Variants in BLTP1 observed in about 807,000 individuals in gnomAD.
BLTP1 encodes the protein bridge-like lipid transfer protein family member 1, also known as fragile site-associated protein.
the BLTP1 span, chr4:122,245,978 C>T: frequency 3.8e-6 from 1 of 264,526 alleles, no homozygotes. Flanking sequence ...CATGATGCTA[C>T]CAGTCTTTTT....
At chr4:122,208,501 T>C in the BLTP1 span, 1 of 947,398 alleles carries the variant, frequency 1.1e-6, no homozygotes, top group Non-Finnish European at 1.3e-6. Context: ...TGAGACTTAC[T>C]AGAATCAAAT....
At chr4:122,355,831 A>C in the BLTP1 span, 6 of 1,608,944 alleles carry the variant, frequency 3.7e-6, no homozygotes, top group Non-Finnish European at 5.1e-6. Context: ...TGCTAACAAC[A>C]CTGAGAATAG....
chr4:122,269,146 A>G, the BLTP1 span: 1 of 758,546 alleles, frequency 1.3e-6, no homozygotes, highest in Non-Finnish European at 1.6e-6. Context: ...GACAGCTTTC[A>G]TACAAATATA....
the BLTP1 span, among the ~76,000 whole-genome samples, chr4:122,217,720 C>G: frequency 6.6e-6 from 1 of 152,044 alleles, no homozygotes; most frequent in Admixed American, 6.6e-5. Flanking sequence ...CGGGTGATTA[C>G]TGTCTTCAAA....
the BLTP1 span, chr4:122,186,010 A>T: frequency 1.3e-5 from 19 of 1,497,236 alleles, no homozygotes; most frequent in Admixed American, 4.6e-5. Flanking sequence ...GTTGACTAAA[A>T]ATTTTTTTGT....
At chr4:122,296,976 A>C in the BLTP1 span, among the ~76,000 whole-genome samples, 2 of 152,202 alleles carry the variant, frequency 1.3e-5, no homozygotes, top group African/African-American at 2.4e-5. Flanking sequence ...CCTAGAAGAA[A>C]ATCTAGACAA....
the BLTP1 span, chr4:122,234,834 T>G: frequency 6.2e-7 from 1 of 1,613,634 alleles, no homozygotes; most frequent in Non-Finnish European, 8.5e-7. Flanking sequence ...CAAATGTGGT[T>G]GTCTCGGTGG....
At chr4:122,298,696 A>G in the BLTP1 span, 1 of 488,044 alleles carries the variant, frequency 2.0e-6, no homozygotes, top group Non-Finnish European at 2.7e-6. Flanking sequence ...GATTTAAATG[A>G]ATTTTTGATG....
the BLTP1 span, chr4:122,220,415 C>A: frequency 6.2e-7 from 1 of 1,612,080 alleles, no homozygotes; most frequent in Non-Finnish European, 8.5e-7. Flanking sequence ...TTTAGGGAGA[C>A]CATGCTGCAA....
chr4:122,267,442 T>G, the BLTP1 span: 1 of 153,176 alleles, frequency 6.5e-6, no homozygotes, highest in Non-Finnish European at 1.5e-5. Context: ...AATAACTAGT[T>G]GCATTTATGA....
At chr4:122,207,031 G>C in the BLTP1 span, 2 of 1,297,202 alleles carry the variant, frequency 1.5e-6, no homozygotes, top group Admixed American at 4.9e-5. Flanking sequence ...ATTTTTGACT[G>C]GTGTTAGAAA....
the BLTP1 span, among the ~76,000 whole-genome samples, chr4:122,288,873 CA>C: frequency 6.6e-6 from 1 of 151,882 alleles, no homozygotes; most frequent in African/African-American, 2.4e-5. Flanking sequence ...TATTAAAAAA[CA>C]AAAAACAAAA....
At chr4:122,336,208 T>C in the BLTP1 span, 3 of 1,602,600 alleles carry the variant, frequency 1.9e-6, no homozygotes, top group South Asian at 1.1e-5. Flanking sequence ...GAAAAGGAAG[T>C]GGAGGAGTAA....
the BLTP1 span, chr4:122,279,986 G>C: frequency 6.2e-7 from 1 of 1,613,858 alleles, no homozygotes; most frequent in Admixed American, 1.7e-5. Flanking sequence ...TACAGCGTAA[G>C]TTATTTTATT....
the BLTP1 span, among the ~76,000 whole-genome samples, chr4:122,345,774 A>C: frequency 6.6e-6 from 1 of 152,066 alleles, no homozygotes; most frequent in Non-Finnish European, 1.5e-5. Context: ...GAAGTAGACC[A>C]TGCAATAGTA....
chr4:122,222,953 C>G, the BLTP1 span: 2 of 945,302 alleles, frequency 2.1e-6, no homozygotes, highest in African/African-American at 3.5e-5. Context: ...TAGGAAAGCC[C>G]AAGATCCACA....
chr4:122,198,403 A>G, the BLTP1 span: 2 of 985,278 alleles, frequency 2.0e-6, no homozygotes, highest in Non-Finnish European at 2.4e-6. Flanking sequence ...TTACAGGTGT[A>G]TGATGGGGTA....
At chr4:122,166,505 C>G in the BLTP1 span, among the ~76,000 whole-genome samples, 9,812 of 152,124 alleles carry the variant, frequency 0.065, 887 homozygotes, top group African/African-American at 0.2. Context: ...AGTCAGGTAC[C>G]GTGATGCCTC....
the BLTP1 span, chr4:122,276,007 C>T: frequency 1.3e-6 from 2 of 1,583,442 alleles, no homozygotes; most frequent in East Asian, 2.3e-5. Flanking sequence ...ACAAGTACAG[C>T]CAAACAAGAG....
Sources: allele counts gnomAD v4.1 joint callset (sites outside exome capture counted in the v4.1 genomes callset), GRCh38; gene constraint gnomAD v4.1.1; transcripts MANE v1.5; gene names NCBI Gene and HGNC (gene_info 2026-07-23, HGNC 2026-07-21).